GATA4: variants seen among roughly 807,000 people sequenced by gnomAD.
GATA4 encodes the protein GATA binding protein 4.
GATA4 carries 7 observed loss-of-function variants against 37.9 expected under a neutral mutation model. The ratio of observed to expected loss-of-function variants is 0.18; its 90% CI spans 0.11 to 0.35. The LOEUF (loss-of-function observed/expected upper bound fraction) is 0.35. GATA4 is among the 10% of genes least tolerant of loss of function. GATA4 has a pLI of 1.00. For synonymous variants in GATA4, 372 were observed against 292.6 expected, an observed-to-expected ratio of 1.27 and a Z score of -2.77; for missense variants, 647 against 653.0, an observed-to-expected ratio of 0.99 and a Z score of 0.10.
upstream of GATA4, among the ~76,000 whole-genome samples, chr8:11,701,961 C>T (rs1799691209): frequency 6.6e-6 from 1 of 152,212 alleles, no homozygotes; most frequent in African/African-American, 2.4e-5. Flanking sequence ...CAGGCGTTCC[C>T]ACCCAGCGGT....
At chr8:11,753,757 C>A (rs2130331222) in intron 4 of GATA4, among the ~76,000 whole-genome samples, 2 of 152,344 alleles carry the variant, frequency 1.3e-5, no homozygotes, top group East Asian at 3.9e-4. Context: ...TGGTGCATTT[C>A]TCGCTTAACC....
chr8:11,743,470 A>G (rs966064189), intron 2 of GATA4, among the ~76,000 whole-genome samples: 1 of 152,228 alleles, frequency 6.6e-6, no homozygotes, highest in Non-Finnish European at 1.5e-5. Context: ...CATCTGCAGG[A>G]GAGCAGACCA....
Position 11,749,063 on chromosome 8 carries a change from T to C in GATA4, c.764T>C (p.Leu255Pro). 6.2e-7 allele frequency: 1 copy of C among 1,614,164 alleles called. No homozygotes were observed. Among genetic ancestry groups the C allele is most frequent in the Non-Finnish European group, 8.5e-7 (1 of 1,180,022 alleles). ...YHKMNGINRP[L>P]IKPQRRLSAS... is the part of the protein sequence containing the mutation. ...AAGATGAACGGCATCAACCGGCCGC[T>C]CATCAAGCCTCAGCGCCGGCTGGTA... is the stretch of plus-strand genomic sequence containing the variant. The change falls in exon 3 of 7, where the codon CTC (leucine) becomes CCC (proline). Residue 255 changes from leucine to proline, a missense_variant. Coordinates refer to ENST00000532059, the MANE Select transcript of GATA4 (RefSeq NM_001308093.3). The surrounding 1 kb of genome is among the most constrained non-coding windows in gnomAD (Gnocchi z 4.6).
At chr8:11,739,753 C>CTTCTGTCGTGTGCGGAGT (rs1563220418) in intron 2 of GATA4, among the ~76,000 whole-genome samples, 1 of 78,150 alleles carries the variant, frequency 1.3e-5, no homozygotes, top group African/African-American at 5.7e-5. Context: ...GTGTGCGGAG[C>CTTCTGTCGTGTGCGGAGT]TTCTGTCGTG....
At chr8:11,738,497 A>G (rs941668838) in intron 2 of GATA4, among the ~76,000 whole-genome samples, 3 of 152,238 alleles carry the variant, frequency 2.0e-5, no homozygotes, top group Non-Finnish European at 2.9e-5. Context: ...ATCATTGTTT[A>G]TGGCTACATA....
intron 2 of GATA4, among the ~76,000 whole-genome samples, chr8:11,743,824 A>G (rs1801886508): frequency 1.3e-5 from 2 of 152,334 alleles, no homozygotes; most frequent in Non-Finnish European, 1.5e-5. Context: ...TTTAATTGAT[A>G]GGAATATCCA....
upstream of GATA4, chr8:11,700,562 C>G (rs961432977): frequency 3.3e-5 from 5 of 152,280 alleles, no homozygotes; most frequent in African/African-American, 1.2e-4. Context: ...CGCGGAGGCT[C>G]GTGCAGGGCA....
chr8:11,707,321 T>G lies in GATA4; in HGVS notation c.-457-535T>G, dbSNP rs955460626. On this transcript the variant is annotated intron_variant, in intron 1 of 6. Coordinates refer to ENST00000532059, the MANE Select transcript of GATA4 (RefSeq NM_001308093.3). The surrounding 1 kb of genome is among the most constrained non-coding windows in gnomAD (Gnocchi z 4.7). ...AACATTTGGACTCTACTTCTGGTTT[T>G]TTTTTTTTTTAATTACAAACAAAAC... Among the ~76,000 whole-genome samples the G allele has an allele frequency of 1.8e-4, 27 of 151,982 alleles. No individual in the cohort carries two copies. Among genetic ancestry groups the G allele is most frequent in the Admixed American group, 7.2e-4 (11 of 15,278 alleles).
intron 2 of GATA4, among the ~76,000 whole-genome samples, chr8:11,744,058 G>C (rs570634546): frequency 1.3e-5 from 2 of 152,340 alleles, no homozygotes; most frequent in African/African-American, 4.8e-5. Flanking sequence ...CAGCCTTGCT[G>C]TCAGTTGGTT....
chr8:11,747,742 C>G (rs1402726447), intron 2 of GATA4, among the ~76,000 whole-genome samples: 1 of 152,090 alleles, frequency 6.6e-6, no homozygotes, highest in African/African-American at 2.4e-5. Context: ...GAATCCAAAA[C>G]TGGATGAAGA....
At chr8:11,690,753 C>T (rs1359854313), upstream of GATA4, among the ~76,000 whole-genome samples, 1 of 152,206 alleles carries the variant, frequency 6.6e-6, no homozygotes, top group East Asian at 1.9e-4. Flanking sequence ...CACCTGTACT[C>T]CTCGCTACTC....
intron 2 of GATA4, among the ~76,000 whole-genome samples, chr8:11,736,268 C>T (rs1371174819): frequency 6.6e-6 from 1 of 152,168 alleles, no homozygotes; most frequent in East Asian, 1.9e-4. Flanking sequence ...GGGACAGGGA[C>T]TAAAAACATA....
At chr8:11,736,801 A>G (rs1801481702) in intron 2 of GATA4, among the ~76,000 whole-genome samples, 1 of 152,208 alleles carries the variant, frequency 6.6e-6, no homozygotes, top group East Asian at 1.9e-4. Flanking sequence ...ATCTGATATT[A>G]TCTAGATTCT....
At chr8:11,743,834 A>G (rs1036416858) in intron 2 of GATA4, among the ~76,000 whole-genome samples, 1 of 152,214 alleles carries the variant, frequency 6.6e-6, no homozygotes, top group African/African-American at 2.4e-5. Context: ...AGGAATATCC[A>G]TACTGCACCG....
chr8:11,681,152 C>T (rs563207450), intron 1 of GATA4: 5 of 985,110 alleles, frequency 5.1e-6, no homozygotes, highest in Admixed American at 1.2e-4. Context: ...TCTCCAGCTC[C>T]GTTCTGTTCG....
Position 11,682,341 on chromosome 8 carries a change from A to C in GATA4, c.-274+5278A>C, listed in dbSNP as rs1798999122. 3.9e-5 allele frequency among the ~76,000 whole-genome samples: 6 copies of C among 152,332 alleles called. No homozygotes were observed. The South Asian group carries it at 1.2e-3, about 32-fold the overall frequency. ...AACTTTGCCTTGTTCACTAGCTAAG[A>C]TTTTATTTGCTTTCTGTTAGATCAC... On this transcript the variant is annotated intron_variant, in intron 1 of 6. Coordinates refer to the GATA4 transcript ENST00000528712.
At chr8:11,697,946 G>A in intron 1 of GATA4, 1 of 985,458 alleles carries the variant, frequency 1.0e-6, no homozygotes, top group Non-Finnish European at 1.2e-6. Flanking sequence ...TGAGGTCTTG[G>A]GCCTGGCGGC....
At position 11,758,572 on chromosome 8, in the gene GATA4, C is replaced by G; in HGVS notation, c.*97C>G. The G allele has an allele frequency of 8.8e-7, 1 of 1,131,344 alleles. No homozygotes were observed. The highest frequency in any genetic ancestry group is 1.3e-6 in the Non-Finnish European group (1 of 747,226). The allele number at this position is 1,131,344 out of a possible 1,614,324, so 70.1% of individuals were successfully genotyped here. On this transcript the variant is annotated 3_prime_UTR_variant, in exon 7 of 7. Transcript: ENST00000532059. ...GCTCCCAGGGGCCGGCCTCCTCTGC[C>G]TGGTAATGACTCCAGAACAACAACT...
intron 2 of GATA4, among the ~76,000 whole-genome samples, chr8:11,723,409 T>C (rs1355249198): frequency 1.3e-5 from 2 of 152,196 alleles, no homozygotes; most frequent in African/African-American, 4.8e-5. Context: ...TATATCCTGA[T>C]TGATGTTCAG....
Sources: gnomAD v4.1 joint callset for allele counts (sites outside exome capture counted in the v4.1 genomes callset) on GRCh38, gnomAD v4.1.1 for gene constraint, Gnocchi (gnomAD v3.1) non-coding constraint, MANE v1.5 for transcripts, NCBI Gene and HGNC (gene_info 2026-07-23, HGNC 2026-07-21) for gene names.